Variants in SLCO6A1 observed in about 807,000 individuals in gnomAD.
The protein encoded by SLCO6A1 is cancer/testis antigen 48.
Under a neutral mutation model 72.7 loss-of-function variants are expected in SLCO6A1, and 65 were observed. The ratio of observed to expected loss-of-function variants is 0.89; its 90% CI spans 0.73 to 1.10. The LOEUF is 1.10. Ranked by LOEUF, SLCO6A1 falls within the 50% of genes least tolerant of loss-of-function variation. The probability of loss-of-function intolerance (pLI) is 0.00; values close to 1 mark genes in which losing one functional copy is unlikely to be tolerated. For missense variants in SLCO6A1, 874 were observed against 872.6 expected, an observed-to-expected ratio of 1.00 and a Z score of -0.02; for synonymous variants, 314 against 298.2, an observed-to-expected ratio of 1.05 and a Z score of -0.55.
At chr5:102,408,757 T>C (rs1300346710) in intron 9 of SLCO6A1, among the ~76,000 whole-genome samples, 2 of 152,050 alleles carry the variant, frequency 1.3e-5, no homozygotes, top group Non-Finnish European at 2.9e-5. Context: ...ATATTGATTG[T>C]ACAAAAGCCA....
At position 102,425,325 on chromosome 5, in the gene SLCO6A1, A is replaced by G. The variant is rs576830057; in HGVS notation, c.1277-5304T>C. Among the ~76,000 whole-genome samples the G allele has an allele frequency of 4.6e-5, 7 of 152,316 alleles. No individual in the cohort carries two copies. In the South Asian group the frequency reaches 1.2e-3, roughly 27 times the overall value. ...TATTCAAATAGGAAGAGAGGAAGTC[A>G]AATTATCTCTGTTTGCAGATAACAT... On this transcript the variant is annotated intron_variant, in intron 7 of 13. Coordinates refer to ENST00000506729, the MANE Select transcript of SLCO6A1 (RefSeq NM_173488.5).
At chr5:102,479,790 A>C (rs940186365) in intron 2 of SLCO6A1, among the ~76,000 whole-genome samples, 3 of 152,150 alleles carry the variant, frequency 2.0e-5, no homozygotes, top group Admixed American at 1.3e-4. Context: ...CTTTGAGTTC[A>C]TGATTAATAA....
chr5:102,441,292 A>G (rs1749818746), intron 6 of SLCO6A1, among the ~76,000 whole-genome samples: 1 of 152,152 alleles, frequency 6.6e-6, no homozygotes, highest in African/African-American at 2.4e-5. Context: ...ATCCATGGTC[A>G]TTTTTCACAA....
intron 10 of SLCO6A1, among the ~76,000 whole-genome samples, chr5:102,396,049 G>T (rs1018792706): frequency 1.3e-5 from 2 of 151,956 alleles, no homozygotes; most frequent in Admixed American, 6.6e-5. Flanking sequence ...AGTTTAATTA[G>T]ATCCCATTTG....
intron 9 of SLCO6A1, among the ~76,000 whole-genome samples, chr5:102,400,696 G>GA (rs1019532039): frequency 6.6e-6 from 1 of 151,950 alleles, no homozygotes; most frequent in Non-Finnish European, 1.5e-5. Flanking sequence ...TTTTACTAGT[G>GA]AAAAAATAAG....
chr5:102,487,018 C>A (rs1752472964), intron 1 of SLCO6A1, among the ~76,000 whole-genome samples: 1 of 152,132 alleles, frequency 6.6e-6, no homozygotes. Context: ...ATTTGAAAAA[C>A]TGTCCTTCTG....
chr5:102,484,043 T>C (rs1480675922), intron 1 of SLCO6A1, among the ~76,000 whole-genome samples: 1 of 152,194 alleles, frequency 6.6e-6, no homozygotes, highest in Non-Finnish European at 1.5e-5. Context: ...ACTTTTCATT[T>C]TCCTTCTGTA....
intron 11 of SLCO6A1, among the ~76,000 whole-genome samples, chr5:102,389,451 CACCCCCA>C (rs1746615028): frequency 4.6e-5 from 3 of 65,088 alleles, no homozygotes; most frequent in Non-Finnish European, 1.0e-4. Context: ...CCCCGCCCCC[CACCCCCA>C]CACACACAGA....
rs1346548729 is a variant in SLCO6A1 at position 102,372,931 on chromosome 5, TAA to T, written c.*15+404_*15+405del. Among the ~76,000 whole-genome samples the T allele has an allele frequency of 2.6e-5, 4 of 151,968 alleles. No individual in the cohort carries two copies. In the East Asian group the frequency reaches 7.7e-4, roughly 29 times the overall value. On this transcript the variant is annotated intron_variant, in intron 13 of 13. Transcript: ENST00000506729. ...AATTTCAACTTTAATTATATGAACT[TAA>T]GTGGCAAATATACTTTTATTTAGAA... is the stretch of plus-strand genomic sequence containing the variant.
intron 6 of SLCO6A1, among the ~76,000 whole-genome samples, chr5:102,453,096 C>T (rs1750512898): frequency 6.6e-6 from 1 of 152,086 alleles, no homozygotes; most frequent in Non-Finnish European, 1.5e-5. Flanking sequence ...ATGTAGTCCC[C>T]CTAATTTTTT....
intron 7 of SLCO6A1, among the ~76,000 whole-genome samples, chr5:102,420,598 G>A (rs1374726134): frequency 2.0e-5 from 3 of 152,136 alleles, no homozygotes; most frequent in East Asian, 3.9e-4. Context: ...GGAGGAGGAG[G>A]AGGAGCAGGA....
chr5:102,471,099 G>A (rs1423134022), intron 4 of SLCO6A1, among the ~76,000 whole-genome samples: 1 of 151,842 alleles, frequency 6.6e-6, no homozygotes, highest in Non-Finnish European at 1.5e-5. Flanking sequence ...TTTTTCACAT[G>A]GGCCCATTAA....
In SLCO6A1 at chr5:102,480,258, A is replaced by C; in HGVS notation, c.535T>G (p.Phe179Val). 1 of 1,613,322 alleles carries C rather than the reference A, an allele frequency of 6.2e-7. No homozygotes were observed. ...KKVIWFVASS[F>V]LIGLGSLLCA... ...AAAAGTGATCCAAGTCCTATTAAAA[A>C]GGAGGAAGCTACAAACCATATTACT... Residue 179 changes from phenylalanine to valine, a missense_variant, in exon 2 of 14, where the codon TTT becomes GTT. Coordinates refer to ENST00000506729, the MANE Select transcript of SLCO6A1 (RefSeq NM_173488.5).
At position 102,397,091 on chromosome 5, in the gene SLCO6A1, G is replaced by T. The variant is rs558761556; in HGVS notation, c.1814+2464C>A. Among the ~76,000 whole-genome samples, 204 of 152,034 alleles carry T rather than the reference G, an allele frequency of 1.3e-3. 1 individual carries two copies. Among genetic ancestry groups the T allele is most frequent in the Admixed American group, 5.2e-3 (79 of 15,282 alleles). ...TTTCTTCTGTTCTGTGGCCATGATTGTTTCATTTTTTAAGTTTAAACTCAT... is the reference window on the plus strand; with the variant it reads ...TTTCTTCTGTTCTGTGGCCATGATTTTTTCATTTTTTAAGTTTAAACTCAT... On this transcript the variant is annotated intron_variant, in intron 10 of 13. Coordinates refer to ENST00000506729, the MANE Select transcript of SLCO6A1 (RefSeq NM_173488.5).
At chr5:102,491,498 T>A (rs1270280567) in intron 1 of SLCO6A1, among the ~76,000 whole-genome samples, 1 of 152,144 alleles carries the variant, frequency 6.6e-6, no homozygotes, top group Non-Finnish European at 1.5e-5. Flanking sequence ...TGGGGGAGGC[T>A]CAGGCATGGC....
chr5:102,375,307 C>T (rs908680480), intron 12 of SLCO6A1, among the ~76,000 whole-genome samples: 7 of 152,064 alleles, frequency 4.6e-5, no homozygotes, highest in Non-Finnish European at 1.0e-4. Flanking sequence ...GTCACTTACC[C>T]CTCGAAAATT....
At chr5:102,386,481 C>T (rs1456331637) in intron 12 of SLCO6A1, among the ~76,000 whole-genome samples, 1 of 152,024 alleles carries the variant, frequency 6.6e-6, no homozygotes, top group East Asian at 1.9e-4. Context: ...GACCTTACGT[C>T]CATTGGAACC....
At chr5:102,491,008 G>A (rs11242469) in intron 1 of SLCO6A1, among the ~76,000 whole-genome samples, 20,596 of 151,990 alleles carry the variant, frequency 0.14, 1,851 homozygotes, top group East Asian at 0.34. Context: ...ACAGAGAGCC[G>A]AGTGGTCTGT....
chr5:102,459,590 G>T, intron 5 of SLCO6A1, 66 bp downstream of exon 5: 4 of 1,452,072 alleles, frequency 2.8e-6, no homozygotes, highest in Non-Finnish European at 3.7e-6. Flanking sequence ...GTCATTCTAT[G>T]AGAATAAGAA....
Sources: allele counts gnomAD v4.1 joint callset (sites outside exome capture counted in the v4.1 genomes callset), GRCh38; gene constraint gnomAD v4.1.1; transcripts MANE v1.5; gene names NCBI Gene and HGNC (gene_info 2026-07-23, HGNC 2026-07-21).